Variants in GRM1 observed in about 807,000 individuals in gnomAD.
The protein encoded by GRM1 is metabotropic glutamate receptor 1.
GRM1 carries 33 observed loss-of-function variants against 90.9 expected under a neutral mutation model. The observed-to-expected ratio is 0.36, with a 90% CI of 0.28 to 0.49. GRM1 has a LOEUF of 0.49. Ranked by LOEUF, GRM1 falls within the 20% of genes least tolerant of loss-of-function variation. GRM1 has a pLI of 0.99. For missense variants in GRM1, 1,190 were observed against 1,534.3 expected (o/e 0.78, Z 3.75); for synonymous variants, 700 against 613.2 (o/e 1.14, Z -2.09).
intron 2 of GRM1, among the ~76,000 whole-genome samples, chr6:146,293,916 T>TA (rs943588530): frequency 2.6e-5 from 4 of 151,526 alleles, no homozygotes; most frequent in East Asian, 1.9e-4. Context: ...TAAATAATTT[T>TA]AAAAAAAATT....
At chr6:146,031,176 T>C (rs1170135611) in intron 1 of GRM1, among the ~76,000 whole-genome samples, 4 of 152,198 alleles carry the variant, frequency 2.6e-5, no homozygotes, top group Admixed American at 2.0e-4. Context: ...TTAGGTTATA[T>C]ACATTTTTTA....
intron 1 of GRM1, among the ~76,000 whole-genome samples, chr6:146,136,420 C>T (rs1047898595): frequency 2.6e-5 from 4 of 152,286 alleles, no homozygotes; most frequent in African/African-American, 9.6e-5. Flanking sequence ...GTTCCCTTTC[C>T]TTCACATCCT....
At chr6:146,258,312 G>T (rs967793283) in intron 2 of GRM1, among the ~76,000 whole-genome samples, 1 of 152,090 alleles carries the variant, frequency 6.6e-6, no homozygotes, top group African/African-American at 2.4e-5. Context: ...ATATGCACAT[G>T]ACTGAGCTAA....
At chr6:146,204,788 C>G (rs2114626593) in intron 2 of GRM1, among the ~76,000 whole-genome samples, 1 of 152,276 alleles carries the variant, frequency 6.6e-6, no homozygotes, top group South Asian at 2.1e-4. Context: ...GCAAACACAG[C>G]AGGGGCACTT....
chr6:146,249,152 C>T (rs1347747915), intron 2 of GRM1, among the ~76,000 whole-genome samples: 3 of 152,166 alleles, frequency 2.0e-5, no homozygotes, highest in African/African-American at 7.2e-5. Context: ...AATTTGCAGC[C>T]TGACCATGTG....
chr6:146,073,519 A>G (rs969694), intron 1 of GRM1, among the ~76,000 whole-genome samples: 67,410 of 151,956 alleles, frequency 0.44, 15,209 homozygotes, highest in Middle Eastern at 0.54. Flanking sequence ...TTATATAAGA[A>G]GACCAAAGGA....
At chr6:146,094,496 G>A (rs896729239) in intron 1 of GRM1, among the ~76,000 whole-genome samples, 3 of 152,092 alleles carry the variant, frequency 2.0e-5, no homozygotes, top group Admixed American at 6.6e-5. Flanking sequence ...GCTATAGGGC[G>A]TATTACTCGA....
At chr6:146,248,063 G>A (rs1054217361) in intron 2 of GRM1, among the ~76,000 whole-genome samples, 12 of 151,638 alleles carry the variant, frequency 7.9e-5, no homozygotes, top group African/African-American at 2.9e-4. Context: ...TCTGTTCTGG[G>A]GGAAATACTA....
rs1323488429 is a variant in GRM1, at chr6:146,357,583, T to C, written c.1491T>C (p.Val497=). The stretch of plus-strand genomic sequence containing the variant: ...CTAATCGCTATGACTATGTGCACGT[T>C]GGAACCTGGCATGAAGGAGTGCTGA... ...TEANRYDYVH[V]GTWHEGVLNI... is the part of the protein sequence containing the mutation. Residue 497 remains valine, a synonymous_variant, in exon 5 of 8, where the codon GTT becomes GTC. Transcript: ENST00000282753. 1 of 1,613,806 alleles carries C rather than the reference T, an allele frequency of 6.2e-7. No individual in the cohort carries two copies. The highest frequency in any genetic ancestry group is 1.1e-5 in the South Asian group (1 of 91,090).
At chr6:146,329,240 A>G (rs1421699704) in intron 3 of GRM1, among the ~76,000 whole-genome samples, 1 of 152,194 alleles carries the variant, frequency 6.6e-6, no homozygotes, top group Non-Finnish European at 1.5e-5. Flanking sequence ...TGGAAAAGAG[A>G]TGACATTGAG....
chr6:146,061,601 G>T (rs1775671390), intron 1 of GRM1, among the ~76,000 whole-genome samples: 1 of 151,968 alleles, frequency 6.6e-6, no homozygotes, highest in Non-Finnish European at 1.5e-5. Context: ...AATCTACAAA[G>T]AACTTAAACA....
intron 5 of GRM1, among the ~76,000 whole-genome samples, chr6:146,379,575 C>T (rs1049225681): frequency 1.4e-4 from 22 of 151,738 alleles, no homozygotes; most frequent in Admixed American, 3.3e-4. Context: ...GATTGGTTTC[C>T]GGTGTCTTAT....
chr6:146,270,853 CTTTCTTTCTTTCTTTCTTTCTT>C (rs1562570986), intron 2 of GRM1, among the ~76,000 whole-genome samples: 1 of 41,508 alleles, frequency 2.4e-5, no homozygotes, highest in African/African-American at 8.5e-5. Context: ...CTTTCTTTTT[CTTTCTTTCTTTCTTTCTTTCTT>C]TCTTTCTTTC....
At chr6:146,393,323 G>C (rs1776801555) in intron 6 of GRM1, among the ~76,000 whole-genome samples, 1 of 152,030 alleles carries the variant, frequency 6.6e-6, no homozygotes, top group Non-Finnish European at 1.5e-5. Context: ...GGCCACATAA[G>C]TGTCTTCTTT....
chr6:146,175,980 CACTA>C (rs1778325429), intron 2 of GRM1, among the ~76,000 whole-genome samples: 1 of 152,162 alleles, frequency 6.6e-6, no homozygotes, highest in East Asian at 1.9e-4. Context: ...GACAAAAATT[CACTA>C]ACTATAGTAA....
intron 6 of GRM1, among the ~76,000 whole-genome samples, chr6:146,396,093 T>TATCTATCTATC (rs1324277052): frequency 1.1e-4 from 16 of 152,024 alleles, no homozygotes; most frequent in African/African-American, 3.4e-4. Context: ...TCTATCTATC[T>TATCTATCTATC]ATCTATCTAT....
chr6:146,401,357 C>T (rs1777152529), intron 7 of GRM1, among the ~76,000 whole-genome samples: 1 of 152,018 alleles, frequency 6.6e-6, no homozygotes, highest in Admixed American at 6.6e-5. Context: ...GCCAAACTCC[C>T]CTCAGGAGCA....
intron 3 of GRM1, among the ~76,000 whole-genome samples, chr6:146,315,713 A>G (rs1583313700): frequency 1.3e-5 from 2 of 152,340 alleles, no homozygotes; most frequent in East Asian, 3.9e-4. Flanking sequence ...CTTAAAATTT[A>G]TGAGCCATTT....
chr6:146,050,935 G>A (rs1791501774), intron 1 of GRM1, among the ~76,000 whole-genome samples: 1 of 152,052 alleles, frequency 6.6e-6, no homozygotes, highest in African/African-American at 2.4e-5. Context: ...TCATAACAGA[G>A]CGTTGCAATC....
Sources: allele counts gnomAD v4.1 joint callset (sites outside exome capture counted in the v4.1 genomes callset), GRCh38; gene constraint gnomAD v4.1.1; transcripts MANE v1.5; gene names NCBI Gene and HGNC (gene_info 2026-07-23, HGNC 2026-07-21).